The following MAN1A2 variants were observed in gnomAD, a reference collection of about 807,000 sequenced individuals.
The protein encoded by MAN1A2 is mannosyl-oligosaccharide 1,2-alpha-mannosidase IB.
MAN1A2 carries 26 observed loss-of-function variants against 75.7 expected under a neutral mutation model. The observed-to-expected ratio is 0.34, with a 90% CI of 0.25 to 0.48. The LOEUF is 0.48. MAN1A2 is among the 20% of genes least tolerant of loss of function. The probability of loss-of-function intolerance (pLI) is 0.99; values close to 1 mark genes in which losing one functional copy is unlikely to be tolerated. For missense variants in MAN1A2, 562 were observed against 775.5 expected (o/e 0.72, Z 3.27); for synonymous variants, 247 against 264.6 (o/e 0.93, Z 0.65).
intron 8 of MAN1A2, among the ~76,000 whole-genome samples, chr1:117,485,196 T>C (rs527299779): frequency 1.3e-5 from 2 of 152,098 alleles, no homozygotes; most frequent in African/African-American, 4.8e-5. Context: ...TGGTTTTTAT[T>C]CATGATAGGA....
intron 6 of MAN1A2, among the ~76,000 whole-genome samples, chr1:117,456,451 G>A (rs748942037): frequency 8.6e-5 from 13 of 151,902 alleles, no homozygotes; most frequent in Non-Finnish European, 1.3e-4. Flanking sequence ...TGACAAATTG[G>A]TTTTATTTTA....
At position 117,421,436 on chromosome 1, in the gene MAN1A2, G is replaced by A. The variant is rs180728859; in HGVS notation, c.855+787G>A. On this transcript the variant is annotated intron_variant, in intron 5 of 12. Coordinates refer to ENST00000356554, the MANE Select transcript of MAN1A2 (RefSeq NM_006699.5). ...GTTAATGTTGAAGTAATCATTTAAAGGATTTTTTTTTCCCCCCAGTGTTTT... is the reference window on the plus strand; with the variant it reads ...GTTAATGTTGAAGTAATCATTTAAAAGATTTTTTTTTCCCCCCAGTGTTTT... Among the ~76,000 whole-genome samples, 130 of 151,674 alleles carry A rather than the reference G, an allele frequency of 8.6e-4. 1 individual carries two copies. Among genetic ancestry groups the A allele is most frequent in the Admixed American group, 1.9e-3 (29 of 15,242 alleles).
chr1:117,489,460 T>C (rs904814059), intron 8 of MAN1A2, among the ~76,000 whole-genome samples: 5 of 152,068 alleles, frequency 3.3e-5, no homozygotes, highest in Admixed American at 6.6e-5. Flanking sequence ...TCCTTTCTTA[T>C]GTTAATTATA....
At chr1:117,432,896 A>G (rs902899855) in intron 5 of MAN1A2, among the ~76,000 whole-genome samples, 4 of 148,510 alleles carry the variant, frequency 2.7e-5, no homozygotes, top group Non-Finnish European at 5.9e-5. Flanking sequence ...TATATATTAT[A>G]TATAAGAATA....
At chr1:117,396,219 G>C (rs1653900696) in intron 1 of MAN1A2, among the ~76,000 whole-genome samples, 1 of 152,114 alleles carries the variant, frequency 6.6e-6, no homozygotes, top group South Asian at 2.1e-4. Context: ...GCCAGCTTTT[G>C]CTTTAAAACT....
At chr1:117,401,461 A>G (rs1228075908) in intron 1 of MAN1A2, among the ~76,000 whole-genome samples, 2 of 152,130 alleles carry the variant, frequency 1.3e-5, no homozygotes, top group Non-Finnish European at 2.9e-5. Context: ...TCTTGTATTC[A>G]TTCCTGTGGA....
chr1:117,443,736 T>A (rs1343013645), intron 6 of MAN1A2, among the ~76,000 whole-genome samples: 1 of 152,146 alleles, frequency 6.6e-6, no homozygotes, highest in Non-Finnish European at 1.5e-5. Flanking sequence ...TACTTGAGTT[T>A]TTATATCATG....
At chr1:117,403,773 G>A (rs749780054) in intron 2 of MAN1A2, among the ~76,000 whole-genome samples, 27 of 151,216 alleles carry the variant, frequency 1.8e-4, no homozygotes, top group African/African-American at 3.6e-4. Flanking sequence ...TTTTCTTGTC[G>A]TACTGCAGTG....
At chr1:117,477,178 T>TG (rs1650340544) in intron 8 of MAN1A2, among the ~76,000 whole-genome samples, 1 of 151,942 alleles carries the variant, frequency 6.6e-6, no homozygotes, top group Admixed American at 6.6e-5. Flanking sequence ...ACCAGACAGA[T>TG]GCACAGCCAA....
chr1:117,466,348 GA>G lies in MAN1A2; in HGVS notation c.1092del (p.Lys364AsnfsTer17). 6.2e-7 allele frequency: 1 copy of G among 1,609,172 alleles called. No homozygotes were observed. Among genetic ancestry groups the G allele is most frequent in the Non-Finnish European group, 8.5e-7 (1 of 1,176,738 alleles). On this transcript the variant is annotated frameshift_variant, in exon 8 of 13. Coordinates refer to ENST00000356554, the MANE Select transcript of MAN1A2 (RefSeq NM_006699.5). LOFTEE classifies it high-confidence loss of function. ...ATTTTACTCAGGTTATGCACATTCG[GA>G]AACTACTTCAGAAAATGGATCGTCC... ...TYYKKVMHIR[K>X]LLQKMDRPNG...
intron 7 of MAN1A2, among the ~76,000 whole-genome samples, chr1:117,466,009 A>G (rs1649968830): frequency 6.6e-6 from 1 of 152,108 alleles, no homozygotes; most frequent in East Asian, 1.9e-4. Context: ...CTGTGTCTAG[A>G]ATGATGTTTA....
chr1:117,416,564 G>A (rs1348862874), intron 4 of MAN1A2, among the ~76,000 whole-genome samples: 1 of 152,124 alleles, frequency 6.6e-6, no homozygotes, highest in Admixed American at 6.5e-5. Context: ...GGTTCAATCA[G>A]GAACCAGACT....
chr1:117,429,536 C>T (rs1401254636), intron 5 of MAN1A2, among the ~76,000 whole-genome samples: 1 of 72,062 alleles, frequency 1.4e-5, no homozygotes, highest in Non-Finnish European at 3.0e-5. Context: ...GGGGGGCCGA[C>T]CCCCCCACCT....
rs61681259 is a variant in MAN1A2 at position 117,434,747 on chromosome 1, CTGTGTGTGTGTGTG to C, written c.856-7448_856-7435del. On this transcript the variant is annotated intron_variant, in intron 5 of 12. Coordinates refer to ENST00000356554, the MANE Select transcript of MAN1A2 (RefSeq NM_006699.5). ...GTTATAGACCAGTAGTTGGTTACAG[CTGTGTGTGTGTGTG>C]TGTGTGTGTGTGTGTGTGTGTGTGT... is the stretch of plus-strand genomic sequence containing the variant. 4.9e-3 allele frequency among the ~76,000 whole-genome samples: 666 copies of C among 135,416 alleles called. 5 individuals are homozygous for C. Among genetic ancestry groups the C allele is most frequent in the African/African-American group, 0.012 (445 of 36,876 alleles). The allele number at this position is 135,416 out of a possible 152,430, so 88.8% of individuals were successfully genotyped here.
At chr1:117,458,441 T>A (rs1164909786) in intron 6 of MAN1A2, among the ~76,000 whole-genome samples, 1 of 147,050 alleles carries the variant, frequency 6.8e-6, no homozygotes, top group African/African-American at 2.5e-5. Context: ...AAATAAAATA[T>A]AACATATTGA....
intron 12 of MAN1A2, among the ~76,000 whole-genome samples, chr1:117,518,823 T>C (rs1651792031): frequency 6.6e-6 from 1 of 152,032 alleles, no homozygotes; most frequent in Non-Finnish European, 1.5e-5. Flanking sequence ...AACTATACCC[T>C]GGAACAAATG....
intron 12 of MAN1A2, among the ~76,000 whole-genome samples, chr1:117,508,483 C>T (rs1388965128): frequency 6.6e-6 from 1 of 151,296 alleles, no homozygotes; most frequent in Middle Eastern, 3.2e-3. Context: ...GAAATTCAAA[C>T]TTTGAATATA....
At chr1:117,376,795 T>G (rs147064736) in intron 1 of MAN1A2, among the ~76,000 whole-genome samples, 4 of 152,330 alleles carry the variant, frequency 2.6e-5, no homozygotes, top group Admixed American at 1.3e-4. Context: ...GATGATTGTG[T>G]CTGTACTGAA....
intron 1 of MAN1A2, among the ~76,000 whole-genome samples, chr1:117,378,556 A>G (rs917662856): frequency 2.0e-5 from 3 of 152,020 alleles, no homozygotes; most frequent in African/African-American, 7.3e-5. Flanking sequence ...TTCTGTACAT[A>G]TGTTCTTGGG....
Sources: allele counts gnomAD v4.1 joint callset (sites outside exome capture counted in the v4.1 genomes callset), GRCh38; gene constraint gnomAD v4.1.1; transcripts MANE v1.5; gene names NCBI Gene and HGNC (gene_info 2026-07-23, HGNC 2026-07-21).